The following PDS5B variants were observed in gnomAD, a reference collection of about 807,000 sequenced individuals.
PDS5B encodes sister chromatid cohesion protein PDS5 homolog B.
PDS5B carries 51 observed loss-of-function variants against 184.1 expected under a neutral mutation model. The ratio of observed to expected loss-of-function variants is 0.28; its 90% confidence interval spans 0.22 to 0.35. The LOEUF is 0.35. Ranked by LOEUF, PDS5B falls within the 10% of genes least tolerant of loss-of-function variation. The probability of loss-of-function intolerance (pLI) is 1.00; values close to 1 mark genes in which losing one functional copy is unlikely to be tolerated. For missense variants in PDS5B, 1,180 were observed against 1,723.3 expected, an observed-to-expected ratio of 0.68 and a Z score of 5.58; for synonymous variants, 566 against 569.2, an observed-to-expected ratio of 0.99 and a Z score of 0.08.
intron 31 of PDS5B, 131 bp from the exon 32 acceptor site, chr13:32,769,990 G>A (rs1235689298): frequency 4.5e-6 from 3 of 672,288 alleles, no homozygotes; most frequent in Non-Finnish European, 7.3e-6. Flanking sequence ...CAGTTCTGGT[G>A]TATTTAAGAG....
At chr13:32,758,735 A>G (rs994229319) in intron 28 of PDS5B, 82 bp downstream of exon 28, 2 of 1,383,676 alleles carry the variant, frequency 1.4e-6, no homozygotes, top group African/African-American at 2.9e-5. Context: ...AGGAAGGATC[A>G]TGGAAAAATT....
chr13:32,735,558 T>G (rs546870467), intron 21 of PDS5B, among the ~76,000 whole-genome samples: 2 of 152,308 alleles, frequency 1.3e-5, no homozygotes, highest in Admixed American at 6.5e-5. Flanking sequence ...CCTTGATAAA[T>G]ATAAAATATA....
chr13:32,726,054 A>G (rs1222043890), intron 19 of PDS5B, among the ~76,000 whole-genome samples: 1 of 151,842 alleles, frequency 6.6e-6, no homozygotes, highest in East Asian at 1.9e-4. Context: ...TGAAATGTTA[A>G]ATGGCTTTAA....
intron 1 of PDS5B, among the ~76,000 whole-genome samples, chr13:32,593,217 T>C (rs891104468): frequency 5.9e-5 from 9 of 152,328 alleles, no homozygotes; most frequent in Admixed American, 5.9e-4. Flanking sequence ...GAATAAGTTC[T>C]AGTGTTGTAC....
chr13:32,642,096 T>C (rs2140627321), intron 1 of PDS5B, among the ~76,000 whole-genome samples: 1 of 152,302 alleles, frequency 6.6e-6, no homozygotes, highest in Non-Finnish European at 1.5e-5. Context: ...GTTGAATCAG[T>C]TTTCTTGTTT....
intron 1 of PDS5B, among the ~76,000 whole-genome samples, chr13:32,607,224 G>T (rs1474963775): frequency 1.3e-5 from 2 of 152,160 alleles, no homozygotes; most frequent in African/African-American, 4.8e-5. Flanking sequence ...TGATGGTGAC[G>T]TACAGATGGG....
In PDS5B at chr13:32,742,588, T is replaced by A; in HGVS notation, c.2476-3T>A. 1 of 1,606,510 alleles carries A rather than the reference T, an allele frequency of 6.2e-7. No individual in the cohort carries two copies. The highest frequency in any genetic ancestry group is 2.2e-5 in the East Asian group (1 of 44,696). Reference sequence around the variant, plus strand: ...TTTATTTGTCGACTTGTCTCTTAAATAGATTCAGGCTATTAAAATGATGGT... The same window carrying A: ...TTTATTTGTCGACTTGTCTCTTAAAAAGATTCAGGCTATTAAAATGATGGT... On this transcript the variant is annotated splice_polypyrimidine_tract_variant and splice_region_variant and intron_variant, in intron 22 of 34. Transcript: ENST00000315596.
At chr13:32,715,017 G>A (rs1300650125) in intron 19 of PDS5B, among the ~76,000 whole-genome samples, 2 of 152,184 alleles carry the variant, frequency 1.3e-5, no homozygotes, top group Non-Finnish European at 2.9e-5. Context: ...GTATTAATTT[G>A]GGGAACTAAT....
intron 30 of PDS5B, 131 bp from the exon 31 acceptor site, chr13:32,764,358 G>C (rs1049297905): frequency 1.2e-5 from 5 of 429,518 alleles, no homozygotes; most frequent in Non-Finnish European, 2.1e-5. Flanking sequence ...ACCAAATATG[G>C]TAGAATGAAA....
chr13:32,747,634 A>G (rs1185408788), intron 24 of PDS5B, among the ~76,000 whole-genome samples: 1 of 152,008 alleles, frequency 6.6e-6, no homozygotes, highest in Non-Finnish European at 1.5e-5. Flanking sequence ...CTTCCTTGGT[A>G]TAGTTTCCCC....
chr13:32,722,167 C>T (rs1233876610), intron 19 of PDS5B, among the ~76,000 whole-genome samples: 2 of 152,218 alleles, frequency 1.3e-5, no homozygotes, highest in Non-Finnish European at 2.9e-5. Flanking sequence ...CCAGCCCAGC[C>T]AACACGGCGA....
At chr13:32,738,720 G>A (rs901603243) in intron 21 of PDS5B, among the ~76,000 whole-genome samples, 2 of 151,758 alleles carry the variant, frequency 1.3e-5, no homozygotes, top group African/African-American at 4.8e-5. Flanking sequence ...CACCCACACT[G>A]GAGTGCAGTG....
At chr13:32,626,353 T>C (rs1357283368) in intron 1 of PDS5B, among the ~76,000 whole-genome samples, 1 of 152,174 alleles carries the variant, frequency 6.6e-6, no homozygotes, top group Non-Finnish European at 1.5e-5. Context: ...GTAACTAGAA[T>C]TTAGGGGAGA....
chr13:32,776,630 T>C lies in PDS5B; in HGVS notation c.*1578T>C, dbSNP rs915763819. ...AAATCATATTCTAACTTATTAAATT[T>C]ATCACATTGAATAGTGGAACATTTT... On this transcript the variant is annotated 3_prime_UTR_variant, in exon 35 of 35. Coordinates refer to ENST00000315596, the MANE Select transcript of PDS5B (RefSeq NM_015032.4). 6.6e-6 allele frequency: 1 copy of C among 152,324 alleles called. No individual in the cohort carries two copies. The highest frequency in any genetic ancestry group is 2.4e-5 in the African/African-American group (1 of 41,450). 9.4% of individuals were successfully genotyped at this position (152,324 alleles called of 1,614,324 possible).
intron 7 of PDS5B, among the ~76,000 whole-genome samples, chr13:32,668,767 G>T (rs1352486542): frequency 2.0e-5 from 3 of 152,136 alleles, no homozygotes; most frequent in Non-Finnish European, 4.4e-5. Context: ...TTGAGGGAGA[G>T]TTTTTCTTGT....
chr13:32,640,694 T>C (rs1285935499), intron 1 of PDS5B, among the ~76,000 whole-genome samples: 1 of 152,178 alleles, frequency 6.6e-6, no homozygotes, highest in Non-Finnish European at 1.5e-5. Context: ...AATTCTAGGT[T>C]ATAGTTTTAC....
chr13:32,693,816 T>C (rs1364482908), intron 13 of PDS5B, among the ~76,000 whole-genome samples: 1 of 151,648 alleles, frequency 6.6e-6, no homozygotes, highest in Admixed American at 6.6e-5. Context: ...TATAAAAATA[T>C]TCACTTATAA....
chr13:32,714,433 T>A (rs1386111383), intron 19 of PDS5B, among the ~76,000 whole-genome samples: 1 of 152,164 alleles, frequency 6.6e-6, no homozygotes, highest in East Asian at 1.9e-4. Context: ...GGTTTTGAGA[T>A]CAACCGGTCT....
intron 9 of PDS5B, 99 bp from the exon 10 acceptor site, chr13:32,678,736 G>A: frequency 1.4e-6 from 1 of 715,738 alleles, no homozygotes; most frequent in South Asian, 1.8e-5. Flanking sequence ...TTCATAAACT[G>A]TTTTTTCTTT....
Sources: allele counts gnomAD v4.1 joint callset (sites outside exome capture counted in the v4.1 genomes callset), GRCh38; gene constraint gnomAD v4.1.1; transcripts MANE v1.5; gene names NCBI Gene and HGNC (gene_info 2026-07-23, HGNC 2026-07-21).